Variants in SEC23IP observed in about 807,000 individuals in gnomAD.
SEC23IP encodes the protein SEC23 interacting protein.
Under a neutral mutation model 113.4 loss-of-function variants are expected in SEC23IP, and 70 were observed. That is an observed-to-expected ratio of 0.62 (90% CI 0.51 to 0.75). SEC23IP has a LOEUF of 0.75. SEC23IP is among the 30% of genes least tolerant of loss of function. The probability of loss-of-function intolerance (pLI) is 0.00; values close to 1 mark genes in which losing one functional copy is unlikely to be tolerated. For missense variants in SEC23IP, 1,160 were observed against 1,204.9 expected (o/e 0.96, Z 0.55); for synonymous variants, 398 against 421.0 (o/e 0.95, Z 0.67).
chr10:119,905,693 T>G (rs1326625056), intron 4 of SEC23IP, among the ~76,000 whole-genome samples: 1 of 152,138 alleles, frequency 6.6e-6, no homozygotes, highest in African/African-American at 2.4e-5. Flanking sequence ...CACCTTTAAT[T>G]TGATGAAGAC....
chr10:119,921,079 A>G (rs1236789365), intron 12 of SEC23IP, 95 bp downstream of exon 12: 1 of 846,458 alleles, frequency 1.2e-6, no homozygotes, highest in Non-Finnish European at 1.9e-6. Flanking sequence ...TGGTTAGGTA[A>G]GCTAGTTTGC....
chr10:119,930,959 A>G (rs1483381785), intron 15 of SEC23IP, among the ~76,000 whole-genome samples: 2 of 152,170 alleles, frequency 1.3e-5, no homozygotes, highest in African/African-American at 4.8e-5. Context: ...GGTAGAAGAG[A>G]AGGAAAAGTG....
At chr10:119,902,128 G>A (rs1048057860) in intron 2 of SEC23IP, among the ~76,000 whole-genome samples, 35 of 152,174 alleles carry the variant, frequency 2.3e-4, no homozygotes, top group African/African-American at 7.5e-4. Flanking sequence ...AGGTCAAGGC[G>A]GGCTGGTCAC....
intron 2 of SEC23IP, among the ~76,000 whole-genome samples, chr10:119,901,022 T>A (rs1854475103): frequency 8.2e-6 from 1 of 122,446 alleles, no homozygotes; most frequent in Non-Finnish European, 1.7e-5. Flanking sequence ...TTTTTCTTCT[T>A]CTTTTTTTTT....
chr10:119,898,770 G>C lies in SEC23IP; in HGVS notation c.507G>C (p.Gly169=), dbSNP rs1265349758. 2.5e-6 allele frequency: 4 copies of C among 1,613,996 alleles called. No individual in the cohort carries two copies. The highest frequency in any genetic ancestry group is 3.4e-6 in the Non-Finnish European group (4 of 1,180,000). ...GTAGTCTCCCTCCTTCATATTTTGGGAACCAACCCCAAGGAATTCCCCAAC... is the reference window on the plus strand; with the variant it reads ...GTAGTCTCCCTCCTTCATATTTTGGCAACCAACCCCAAGGAATTCCCCAAC... The part of the protein sequence containing the change: ...QPSSLPPSYF[G]NQPQGIPQPG... The change falls in exon 2 of 19, where the codon GGG becomes GGC. Residue 169 remains glycine (G), a synonymous_variant. Coordinates refer to ENST00000369075, the MANE Select transcript of SEC23IP (RefSeq NM_007190.4).
At position 119,933,711 on chromosome 10, in the gene SEC23IP, C is replaced by G. The variant is rs1564926182; in HGVS notation, c.2947C>G (p.Leu983Val). 6.3e-7 allele frequency: 1 copy of G among 1,587,612 alleles called. No individual in the cohort carries two copies. Among genetic ancestry groups the G allele is most frequent in the East Asian group, 2.2e-5 (1 of 44,680 alleles). Residue 983 changes from leucine to valine, a missense_variant, in exon 18 of 19, where the codon CTA becomes GTA. Physicochemically the swap from Leu to Val is conservative, Grantham distance 32 (BLOSUM62 1). Coordinates refer to ENST00000369075, the MANE Select transcript of SEC23IP (RefSeq NM_007190.4). ...GGAATCTGAAGATACTGCTCTGTTA[C>G]TACTTAAAGAAATTTATCGAACAAT... The part of the protein sequence containing the change: ...YWESEDTALL[L>V]LKEIYRTMNI...
intron 18 of SEC23IP, among the ~76,000 whole-genome samples, chr10:119,937,958 A>G (rs112343224): frequency 4.5e-4 from 69 of 151,990 alleles, no homozygotes; most frequent in Non-Finnish European, 8.4e-4. Context: ...CATTGATTTC[A>G]AGCCATTTAT....
intron 6 of SEC23IP, among the ~76,000 whole-genome samples, chr10:119,912,785 C>T (rs546307654): frequency 5.3e-5 from 8 of 151,766 alleles, no homozygotes; most frequent in African/African-American, 1.7e-4. Flanking sequence ...GGATTACAGG[C>T]GTGCACCACC....
chr10:119,898,990 T>C lies in SEC23IP; in HGVS notation c.696+31T>C, dbSNP rs768954125. The stretch of plus-strand genomic sequence containing the variant: ...GAGACATGATTTTGTGTCCTACTTA[T>C]TCACTCTGTGTCTTCTTTCTCACCT... On this transcript the variant is annotated intron_variant, in intron 2 of 18. Coordinates refer to ENST00000369075, the MANE Select transcript of SEC23IP (RefSeq NM_007190.4). The C allele has an allele frequency of 4.0e-6, 6 of 1,488,058 alleles. No individual in the cohort carries two copies. The South Asian group carries it at 5.1e-5, about 13-fold the overall frequency. 92.2% of individuals were successfully genotyped at this position (1,488,058 alleles called of 1,614,324 possible).
At chr10:119,936,632 C>A (rs182580046) in intron 18 of SEC23IP, among the ~76,000 whole-genome samples, 44 of 150,244 alleles carry the variant, frequency 2.9e-4, no homozygotes, top group African/African-American at 1.1e-3. Context: ...TATTTACCAT[C>A]AGTATGTAAA....
intron 6 of SEC23IP, 118 bp from the exon 7 acceptor site, chr10:119,914,612 G>A (rs1854984770): frequency 5.1e-6 from 4 of 781,964 alleles, no homozygotes; most frequent in South Asian, 1.6e-5. Flanking sequence ...TCTCTTTGAA[G>A]GGTCATGAAT....
intron 3 of SEC23IP, 80 bp downstream of exon 3, chr10:119,903,089 G>A: frequency 8.5e-7 from 1 of 1,181,102 alleles, no homozygotes; most frequent in Non-Finnish European, 1.2e-6. Flanking sequence ...TCTATTTTCT[G>A]TGAATGTCAA....
Position 119,892,769 on chromosome 10 carries a change from G to T in SEC23IP, c.-14G>T. On this transcript the variant is annotated 5_prime_UTR_variant, in exon 1 of 19. Coordinates refer to ENST00000369075, the MANE Select transcript of SEC23IP (RefSeq NM_007190.4). ...GGGTACCCGGAGACGTGTATCGGAC[G>T]GTGGGCCGCAGCCATGGCCGAGAGA... The T allele has an allele frequency of 6.3e-7, 1 of 1,599,294 alleles. No homozygotes were observed. Among genetic ancestry groups the T allele is most frequent in the South Asian group, 1.1e-5 (1 of 89,128 alleles).
chr10:119,895,991 G>C (rs540700725), intron 1 of SEC23IP, among the ~76,000 whole-genome samples: 2 of 152,208 alleles, frequency 1.3e-5, no homozygotes. Context: ...GAAATTAGAC[G>C]TGTGTTTCAG....
Position 119,912,178 on chromosome 10 carries a change from G to C in SEC23IP, c.1312+14G>C, listed in dbSNP as rs759411790. On this transcript the variant is annotated intron_variant, in intron 6 of 18. Coordinates refer to ENST00000369075, the MANE Select transcript of SEC23IP (RefSeq NM_007190.4). ...AAATTCCCGACGGTGTGTATAGTTT[G>C]TTTAGAACTGAGGTCTGTTTTAGTC... is the stretch of plus-strand genomic sequence containing the variant. 6.2e-7 allele frequency: 1 copy of C among 1,613,278 alleles called. No homozygotes were observed. The highest frequency in any genetic ancestry group is 1.1e-5 in the South Asian group (1 of 90,918).
At chr10:119,939,473 C>T (rs770286402) in intron 18 of SEC23IP, among the ~76,000 whole-genome samples, 17 of 151,864 alleles carry the variant, frequency 1.1e-4, no homozygotes, top group South Asian at 6.2e-4. Context: ...GTCAGGAGTT[C>T]GAGACCAGCC....
rs73357848 is a variant in SEC23IP at position 119,905,704 on chromosome 10, A to G, written c.1101+1427A>G. On this transcript the variant is annotated intron_variant, in intron 4 of 18. Transcript: ENST00000369075. ...AGAACACCTTTAATTTGATGAAGAC[A>G]TGATTATTGTCTACGTGGAAAATCA... Among the ~76,000 whole-genome samples, 1,483 of 152,346 alleles carry G rather than the reference A, an allele frequency of 9.7e-3. 25 individuals carry two copies. Among genetic ancestry groups the G allele is most frequent in the African/African-American group, 0.034 (1,422 of 41,574 alleles).
At chr10:119,936,230 A>G (rs1205739692) in intron 18 of SEC23IP, among the ~76,000 whole-genome samples, 1 of 152,180 alleles carries the variant, frequency 6.6e-6, no homozygotes, top group East Asian at 1.9e-4. Context: ...CATTCTTAGA[A>G]GCAGTGTTCT....
In SEC23IP at chr10:119,918,431, G is replaced by T. The variant is rs1855126442; in HGVS notation, c.1792G>T (p.Asp598Tyr). 3 of 1,612,620 alleles carry T rather than the reference G, an allele frequency of 1.9e-6. No individual in the cohort carries two copies. The highest frequency in any genetic ancestry group is 2.5e-6 in the Non-Finnish European group (3 of 1,178,782). The stretch of plus-strand genomic sequence containing the variant: ...GTTTGACATCCTGTCTAATCAAAAA[G>T]ATTTGAATTTATCAAAGTGCCCTGG... ...ILFDILSNQK[D>Y]LNLSKCPGPL... Residue 598 changes from aspartate to tyrosine, a missense_variant, in exon 10 of 19, where the codon GAT (aspartate) becomes TAT (tyrosine). Transcript: ENST00000369075.
Sources: allele counts gnomAD v4.1 joint callset (sites outside exome capture counted in the v4.1 genomes callset), GRCh38; gene constraint gnomAD v4.1.1; transcripts MANE v1.5; gene names NCBI Gene and HGNC (gene_info 2026-07-23, HGNC 2026-07-21).